The following CEP57 variants were observed in gnomAD, a reference collection of about 807,000 sequenced individuals.
CEP57 encodes the protein centrosomal protein 57, also known as centrosomal protein of 57 kDa.
CEP57 carries 40 observed loss-of-function variants against 68.0 expected under a neutral mutation model. The observed-to-expected ratio is 0.59, with a 90% CI of 0.46 to 0.77. CEP57 has a LOEUF of 0.77. CEP57 is among the 30% of genes least tolerant of loss of function. The probability of loss-of-function intolerance (pLI) is 0.00; values close to 1 mark genes in which losing one functional copy is unlikely to be tolerated. For synonymous variants in CEP57, 219 were observed against 198.7 expected, an observed-to-expected ratio of 1.10 and a Z score of -0.86; for missense variants, 606 against 580.7, an observed-to-expected ratio of 1.04 and a Z score of -0.45.
In CEP57 at chr11:95,831,380, C is replaced by G; in HGVS notation, c.*124C>G. 1.4e-6 allele frequency: 1 copy of G among 722,906 alleles called. No homozygotes were observed. Among genetic ancestry groups the G allele is most frequent in the Non-Finnish European group, 2.4e-6 (1 of 413,684 alleles). 44.8% of individuals were successfully genotyped at this position (722,906 alleles called of 1,614,324 possible). ...TTAATTAATAGCAGGTGTTAAAGGACCCAGGCTTCATTACACAGGCTTTTC... is the reference window on the plus strand; with the variant it reads ...TTAATTAATAGCAGGTGTTAAAGGAGCCAGGCTTCATTACACAGGCTTTTC... On this transcript the variant is annotated 3_prime_UTR_variant, in exon 11 of 11. Transcript: ENST00000325542.
intron 5 of CEP57, chr11:95,818,116 A>G (rs1862377250): frequency 2.0e-6 from 1 of 510,102 alleles, no homozygotes; most frequent in African/African-American, 1.9e-5. Flanking sequence ...TTTGTTAAAA[A>G]ATTAAATGTT....
Position 95,831,408 on chromosome 11 carries a change from G to T in CEP57, c.*152G>T. 1.6e-6 allele frequency: 1 copy of T among 635,624 alleles called. No homozygotes were observed. The allele number at this position is 635,624 out of a possible 1,614,324, so 39.4% of individuals were successfully genotyped here. ...AGGCTTCATTACACAGGCTTTTCAT[G>T]TATGCAGGATGACTCAATGTTAAAG... On this transcript the variant is annotated 3_prime_UTR_variant, in exon 11 of 11. Coordinates refer to ENST00000325542, the MANE Select transcript of CEP57 (RefSeq NM_014679.5).
intron 10 of CEP57, among the ~76,000 whole-genome samples, chr11:95,830,207 T>A (rs1440946584): frequency 6.6e-6 from 1 of 152,244 alleles, no homozygotes; most frequent in Non-Finnish European, 1.5e-5. Flanking sequence ...AAGCCACATT[T>A]TCTGGGAAGT....
At chr11:95,822,068 C>A in intron 7 of CEP57, 90 bp downstream of exon 7, 1 of 841,536 alleles carries the variant, frequency 1.2e-6, no homozygotes, top group Non-Finnish European at 2.0e-6. Context: ...GTACTACAAC[C>A]TTGAGAGAGT....
chr11:95,799,484 A>T, intron 2 of CEP57, 96 bp downstream of exon 2: 1 of 1,437,518 alleles, frequency 7.0e-7, no homozygotes, highest in East Asian at 2.3e-5. Flanking sequence ...AGAGGAAAAT[A>T]TATTTCCCCT....
rs968967106 is a variant in CEP57, at chr11:95,801,377, A to G, written c.202+1989A>G. Among the ~76,000 whole-genome samples the G allele has an allele frequency of 1.3e-5, 2 of 151,794 alleles. 1 individual carries two copies. The highest frequency in any genetic ancestry group is 6.4e-3 in the Middle Eastern group (2 of 314). Reference sequence around the variant, plus strand: ...TAAAGCAACTGATAAGGTTCTACACATCAGAGTATAGCAGGTTGGCAATTT... The same window carrying G: ...TAAAGCAACTGATAAGGTTCTACACGTCAGAGTATAGCAGGTTGGCAATTT... On this transcript the variant is annotated intron_variant, in intron 2 of 10. Coordinates refer to ENST00000325542, the MANE Select transcript of CEP57 (RefSeq NM_014679.5).
chr11:95,829,194 C>G lies in CEP57; in HGVS notation c.1135C>G (p.Gln379Glu), dbSNP rs1388353177. 1 of 1,613,598 alleles carries G rather than the reference C, an allele frequency of 6.2e-7. No homozygotes were observed. ...CTTCTGCTTTGTATATAGTGATCAC[C>G]AGCAGCTTGCAAAACTTATCCAGGA... ...DEFGQMSFDH[Q>E]QLAKLIQESP... Residue 379 changes from glutamine (Q) to glutamate (E), a missense_variant, in exon 10 of 11, where the codon CAG (glutamine) becomes GAG (glutamate). Coordinates refer to ENST00000325542, the MANE Select transcript of CEP57 (RefSeq NM_014679.5).
Position 95,808,783 on chromosome 11 carries a change from T to C in CEP57, c.203-4149T>C, listed in dbSNP as rs553072316. ...GACTTTAACACCCCACTGTCAACAT[T>C]AGACAGATCAGCGAGACAGAAAGTT... On this transcript the variant is annotated intron_variant, in intron 2 of 10. Coordinates refer to ENST00000325542, the MANE Select transcript of CEP57 (RefSeq NM_014679.5). Among the ~76,000 whole-genome samples, 5 of 152,212 alleles carry C rather than the reference T, an allele frequency of 3.3e-5. No homozygotes were observed. In the East Asian group the frequency reaches 7.7e-4, roughly 23 times the overall value.
chr11:95,790,149 A>G (rs1019932664), upstream of CEP57: 5 of 170,290 alleles, frequency 2.9e-5, no homozygotes, highest in African/African-American at 1.2e-4. Flanking sequence ...AAAGGTAAAT[A>G]CTTCACCTGG....
At chr11:95,801,182 C>T (rs916168884) in intron 2 of CEP57, among the ~76,000 whole-genome samples, 9 of 152,026 alleles carry the variant, frequency 5.9e-5, no homozygotes, top group Admixed American at 2.0e-4. Context: ...ATCCAAATAC[C>T]AGCTTAAATC....
chr11:95,801,596 C>T (rs1333541234), intron 2 of CEP57, among the ~76,000 whole-genome samples: 1 of 151,608 alleles, frequency 6.6e-6, no homozygotes, highest in Non-Finnish European at 1.5e-5. Context: ...AGATATTAAT[C>T]CTTCAACTAT....
intron 2 of CEP57, among the ~76,000 whole-genome samples, chr11:95,811,672 A>G (rs1367566474): frequency 1.3e-5 from 2 of 152,180 alleles, no homozygotes; most frequent in African/African-American, 2.4e-5. Flanking sequence ...AAAGGCAGAT[A>G]ATAAAATGAA....
At chr11:95,829,778 C>T (rs1862924049) in intron 10 of CEP57, among the ~76,000 whole-genome samples, 1 of 152,000 alleles carries the variant, frequency 6.6e-6, no homozygotes, top group Non-Finnish European at 1.5e-5. Flanking sequence ...GGTTTTCAAC[C>T]AGAGAGAAAC....
At chr11:95,828,100 T>C (rs1259167673) in intron 9 of CEP57, 73 bp downstream of exon 9, 25 of 1,507,204 alleles carry the variant, frequency 1.7e-5, no homozygotes, top group Non-Finnish European at 2.0e-5. Context: ...GTTGACTTTA[T>C]TAAATCTTAC....
chr11:95,815,395 CTTCT>C (rs1042094103), intron 4 of CEP57: 3 of 151,960 alleles, frequency 2.0e-5, no homozygotes, highest in Non-Finnish European at 2.9e-5. Context: ...TTATACCTTC[CTTCT>C]ATCTCTTTGA....
chr11:95,818,092 T>A, intron 5 of CEP57, 189 bp downstream of exon 5: 1 of 566,308 alleles, frequency 1.8e-6, no homozygotes, highest in South Asian at 2.0e-5. Flanking sequence ...TGGGCATTTT[T>A]TTTTATGAAA....
intron 1 of CEP57, 39 bp downstream of exon 1, chr11:95,790,782 C>T (rs752265030): frequency 5.0e-6 from 8 of 1,610,682 alleles, no homozygotes; most frequent in East Asian, 2.2e-5. Context: ...CACGTCGGCC[C>T]TAAGCGCCTC....
intron 10 of CEP57, among the ~76,000 whole-genome samples, chr11:95,829,820 G>A (rs1363978616): frequency 6.6e-6 from 1 of 152,182 alleles, no homozygotes; most frequent in African/African-American, 2.4e-5. Flanking sequence ...TTACTGTAGT[G>A]ACTAGGGGTA....
intron 2 of CEP57, 22 bp from the exon 3 acceptor site, chr11:95,812,910 C>T (rs201955574): frequency 2.2e-5 from 36 of 1,610,204 alleles, no homozygotes; most frequent in Middle Eastern, 3.4e-4. Context: ...ACAGCATCCA[C>T]GTTTGTGTTT....
Sources: gnomAD v4.1 joint callset for allele counts (sites outside exome capture counted in the v4.1 genomes callset) on GRCh38, gnomAD v4.1.1 for gene constraint, MANE v1.5 for transcripts, NCBI Gene and HGNC (gene_info 2026-07-23, HGNC 2026-07-21) for gene names.